Variants in SDK1 observed in about 807,000 individuals in gnomAD.
SDK1 encodes the protein protein sidekick-1.
SDK1 carries 157 observed loss-of-function variants against 245.5 expected under a neutral mutation model. The observed-to-expected ratio is 0.64, with a 90% CI of 0.56 to 0.73. SDK1 has a LOEUF of 0.73. SDK1 is among the 30% of genes least tolerant of loss of function. The probability of loss-of-function intolerance (pLI) is 0.00; values close to 1 mark genes in which losing one functional copy is unlikely to be tolerated. For synonymous variants in SDK1, 1,647 were observed against 1,278.5 expected (o/e 1.29, Z -6.15); for missense variants, 3,583 against 3,002.3 (o/e 1.19, Z -4.52).
intron 4 of SDK1, among the ~76,000 whole-genome samples, chr7:3,687,177 C>CT (rs34903598): frequency 0.75 from 106,734 of 143,206 alleles, 41,174 homozygotes; most frequent in Non-Finnish European, 0.86. Context: ...CACAAATGTT[C>CT]TTTTTTTTTT....
intron 4 of SDK1, among the ~76,000 whole-genome samples, chr7:3,799,104 G>A (rs796816216): frequency 3.3e-5 from 5 of 152,170 alleles, no homozygotes; most frequent in African/African-American, 1.2e-4. Flanking sequence ...TGGATAACCA[G>A]TAGAATAAGT....
chr7:3,328,967 T>G (rs570615316), intron 1 of SDK1, among the ~76,000 whole-genome samples: 2 of 152,290 alleles, frequency 1.3e-5, no homozygotes, highest in Admixed American at 6.5e-5. Flanking sequence ...AGGAATCATT[T>G]AAATATACTG....
chr7:3,813,124 A>G (rs1046903191), intron 4 of SDK1, among the ~76,000 whole-genome samples: 1 of 151,560 alleles, frequency 6.6e-6, no homozygotes, highest in South Asian at 2.1e-4. Flanking sequence ...ATTTATTTTT[A>G]TTATACTTTA....
intron 1 of SDK1, among the ~76,000 whole-genome samples, chr7:3,478,921 C>T (rs757305823): frequency 6.6e-6 from 1 of 151,812 alleles, no homozygotes; most frequent in South Asian, 2.1e-4. Context: ...TTTATGATTT[C>T]TTCTTTAATC....
intron 5 of SDK1, among the ~76,000 whole-genome samples, chr7:3,857,233 A>G (rs1395051608): frequency 6.6e-6 from 1 of 152,202 alleles, no homozygotes; most frequent in Non-Finnish European, 1.5e-5. Flanking sequence ...GATGTCTACT[A>G]TTAACATTGT....
intron 1 of SDK1, among the ~76,000 whole-genome samples, chr7:3,439,263 C>A (rs548770646): frequency 6.6e-6 from 1 of 152,100 alleles, no homozygotes; most frequent in African/African-American, 2.4e-5. Context: ...TCTTTTATTT[C>A]CCCTGAGTGA....
intron 4 of SDK1, among the ~76,000 whole-genome samples, chr7:3,652,373 C>T (rs1783037112): frequency 6.6e-6 from 1 of 152,320 alleles, no homozygotes; most frequent in South Asian, 2.1e-4. Flanking sequence ...TGGACATGCA[C>T]AGACAAGCCT....
chr7:4,095,659 A>C (rs896807664), intron 22 of SDK1, among the ~76,000 whole-genome samples: 3 of 151,810 alleles, frequency 2.0e-5, no homozygotes, highest in African/African-American at 7.3e-5. Flanking sequence ...TGCAACCTCC[A>C]CCTCCTGGGT....
chr7:3,810,160 A>G (rs1427466293), intron 4 of SDK1, among the ~76,000 whole-genome samples: 1 of 151,710 alleles, frequency 6.6e-6, no homozygotes, highest in African/African-American at 2.4e-5. Context: ...CTTCATGAGG[A>G]GCCCCCCCAT....
At chr7:3,831,290 A>G (rs928464459) in intron 5 of SDK1, among the ~76,000 whole-genome samples, 6 of 152,172 alleles carry the variant, frequency 3.9e-5, no homozygotes, top group Non-Finnish European at 7.4e-5. Context: ...ATTCTGGTGA[A>G]TTTCCTGGGG....
intron 13 of SDK1, among the ~76,000 whole-genome samples, chr7:3,982,572 G>T (rs1238233248): frequency 1.3e-5 from 2 of 152,158 alleles, no homozygotes; most frequent in Admixed American, 6.6e-5. Context: ...TGGGCGCGGT[G>T]GCTCACGCCT....
intron 1 of SDK1, among the ~76,000 whole-genome samples, chr7:3,350,850 T>A (rs189109217): frequency 6.6e-6 from 1 of 152,204 alleles, no homozygotes; most frequent in Non-Finnish European, 1.5e-5. Flanking sequence ...AAATAGTTTT[T>A]TCCCCCCATT....
intron 4 of SDK1, among the ~76,000 whole-genome samples, chr7:3,653,587 G>C (rs1403676870): frequency 6.6e-6 from 1 of 152,134 alleles, no homozygotes; most frequent in East Asian, 1.9e-4. Flanking sequence ...ACAGTCCTCA[G>C]GAAATGGAGA....
At chr7:3,764,885 A>G (rs1410584640) in intron 4 of SDK1, among the ~76,000 whole-genome samples, 1 of 152,160 alleles carries the variant, frequency 6.6e-6, no homozygotes, top group East Asian at 1.9e-4. Flanking sequence ...ATTTTTAAAA[A>G]TAAAAAGTGC....
chr7:3,881,258 C>A (rs1291191009), intron 5 of SDK1, among the ~76,000 whole-genome samples: 1 of 152,102 alleles, frequency 6.6e-6, no homozygotes, highest in Admixed American at 6.6e-5. Context: ...CCCTCCCCTA[C>A]CCATGCAACA....
chr7:3,778,923 A>G (rs1780642702), intron 4 of SDK1, among the ~76,000 whole-genome samples: 2 of 152,234 alleles, frequency 1.3e-5, no homozygotes, highest in East Asian at 1.9e-4. Context: ...GTTTCAGACT[A>G]AAGAATCTGT....
At chr7:4,252,824 TCC>T (rs34027141) in intron 44 of SDK1, among the ~76,000 whole-genome samples, 4 of 145,098 alleles carry the variant, frequency 2.8e-5, no homozygotes, top group Non-Finnish European at 6.0e-5. Flanking sequence ...TTATTCCGTT[TCC>T]CCCCCCCTCT....
intron 25 of SDK1, among the ~76,000 whole-genome samples, chr7:4,122,071 C>T (rs1338520289): frequency 2.0e-5 from 3 of 152,092 alleles, no homozygotes; most frequent in Admixed American, 6.5e-5. Flanking sequence ...GCTGGTGCTC[C>T]ATCTCTGCCC....
At chr7:3,571,213 C>G (rs1780103705) in intron 1 of SDK1, among the ~76,000 whole-genome samples, 1 of 151,984 alleles carries the variant, frequency 6.6e-6, no homozygotes, top group Non-Finnish European at 1.5e-5. Context: ...CTTATCCTAG[C>G]TATTTGATAT....
Sources: gnomAD v4.1 joint callset for allele counts (sites outside exome capture counted in the v4.1 genomes callset) on GRCh38, gnomAD v4.1.1 for gene constraint, MANE v1.5 for transcripts, NCBI Gene and HGNC (gene_info 2026-07-23, HGNC 2026-07-21) for gene names.